TMEM266: variants seen among roughly 807,000 people sequenced by gnomAD.
The protein encoded by TMEM266 is Hv1 related protein 1.
Under a neutral mutation model 50.5 loss-of-function variants are expected in TMEM266, and 33 were observed. The ratio of observed to expected loss-of-function variants is 0.65; its 90% CI spans 0.50 to 0.87. The LOEUF is 0.87. Among genes scored for constraint, TMEM266 ranks in the 40% least tolerant of loss-of-function variants. The probability of loss-of-function intolerance (pLI) is 0.00; values close to 1 mark genes in which losing one functional copy is unlikely to be tolerated. For synonymous variants in TMEM266, 310 were observed against 292.3 expected, an observed-to-expected ratio of 1.06 and a Z score of -0.62; for missense variants, 655 against 695.1, an observed-to-expected ratio of 0.94 and a Z score of 0.65.
intron 3 of TMEM266, among the ~76,000 whole-genome samples, chr15:76,148,528 C>A (rs970976863): frequency 6.6e-6 from 1 of 152,206 alleles, no homozygotes; most frequent in African/African-American, 2.4e-5. Context: ...CTCATTCCCA[C>A]CCCTAAGTCA....
In TMEM266 at chr15:76,192,097, G is replaced by C. The variant is rs1169026227; in HGVS notation, c.898G>C (p.Gly300Arg). 1.4e-6 allele frequency: 2 copies of C among 1,441,094 alleles called. No individual in the cohort carries two copies. The highest frequency in any genetic ancestry group is 1.4e-5 in the South Asian group (1 of 69,312). 89.3% of individuals were successfully genotyped at this position (1,441,094 alleles called of 1,614,324 possible). A position where few individuals can be genotyped will look rare whatever the true frequency, so the allele number is the denominator to read the frequency against. Reference sequence around the variant, plus strand: ...CAGCCGCTTCAAAGTGTTGGAGGCCGGCACGTGGGACGAGGAGACGGCGGC... The same window carrying C: ...CAGCCGCTTCAAAGTGTTGGAGGCCCGCACGTGGGACGAGGAGACGGCGGC... Residue 300 changes from glycine (G) to arginine (R), a missense_variant, in exon 9 of 11, where the codon GGC (glycine) becomes CGC (arginine). Coordinates refer to ENST00000388942, the MANE Select transcript of TMEM266 (RefSeq NM_152335.3).
At chr15:76,202,099 T>G in intron 9 of TMEM266, 103 bp from the exon 10 acceptor site, 3 of 1,013,768 alleles carry the variant, frequency 3.0e-6, no homozygotes, top group Non-Finnish European at 4.4e-6. Context: ...AGGGCTTCTG[T>G]GAGACAGCTG....
At chr15:76,195,105 C>T (rs1034653588) in intron 9 of TMEM266, among the ~76,000 whole-genome samples, 18 of 152,160 alleles carry the variant, frequency 1.2e-4, no homozygotes, top group African/African-American at 4.3e-4. Flanking sequence ...CCCAACCTGC[C>T]TACCAGACTT....
At chr15:76,110,085 T>A (rs551176517) in intron 1 of TMEM266, among the ~76,000 whole-genome samples, 1 of 152,054 alleles carries the variant, frequency 6.6e-6, no homozygotes, top group Non-Finnish European at 1.5e-5. Context: ...CTGCAATCTC[T>A]GTCTCCTGGG....
intron 5 of TMEM266, among the ~76,000 whole-genome samples, chr15:76,165,577 C>A (rs755000132): frequency 2.6e-5 from 4 of 152,146 alleles, no homozygotes. Context: ...AAGGCCTTTG[C>A]AACTTTTAGG....
Position 76,203,778 on chromosome 15 carries a change from C to A in TMEM266, c.1059C>A (p.Thr353=), listed in dbSNP as rs1333060934. The stretch of plus-strand genomic sequence containing the variant: ...CAGAGCCAGCTGTGTGTATGGTCAC[C>A]ACGGCCGCAATAGACATTCACCAGC... Residue 353 remains threonine (T), a synonymous_variant, in exon 11 of 11, where the codon ACC becomes ACA. Transcript: ENST00000388942. 1 of 1,613,988 alleles carries A rather than the reference C, an allele frequency of 6.2e-7. No homozygotes were observed. The highest frequency in any genetic ancestry group is 1.3e-5 in the African/African-American group (1 of 74,928).
chr15:76,191,928 C>G (rs78438628), intron 8 of TMEM266, 40 bp from the exon 9 acceptor site: 4 of 1,526,340 alleles, frequency 2.6e-6, no homozygotes, highest in Non-Finnish European at 3.5e-6. Flanking sequence ...CCCCGCCGGC[C>G]CCTCGCCGCT....
chr15:76,109,980 A>G (rs2037143660), intron 1 of TMEM266, among the ~76,000 whole-genome samples: 1 of 151,172 alleles, frequency 6.6e-6, no homozygotes, highest in South Asian at 2.1e-4. Context: ...GTTTGAGTTA[A>G]AAGTCAATTT....
At chr15:76,187,016 C>T (rs546776243) in intron 8 of TMEM266, among the ~76,000 whole-genome samples, 1 of 152,344 alleles carries the variant, frequency 6.6e-6, no homozygotes, top group African/African-American at 2.4e-5. Flanking sequence ...TTGTTCCCTG[C>T]AATGCAGCTG....
Position 76,085,745 on chromosome 15 carries a change from G to T in TMEM266, c.-97+25729G>T, listed in dbSNP as rs190765920. ...AGAATTGAAAATATATGCCAAAAAA[G>T]ACATACAAAAATGTCCACAGGCTGG... On this transcript the variant is annotated intron_variant, in intron 1 of 10. Transcript: ENST00000388942. Among the ~76,000 whole-genome samples the T allele has an allele frequency of 3.1e-3, 477 of 152,114 alleles. 5 individuals are homozygous for T. The highest frequency in any genetic ancestry group is 0.011 in the African/African-American group (452 of 41,514).
In TMEM266 at chr15:76,160,193, A is replaced by C. The variant is rs1596142669; in HGVS notation, c.456+25A>C. 6.2e-7 allele frequency: 1 copy of C among 1,603,942 alleles called. No individual in the cohort carries two copies. ...GGTAGGTGGAGACTCTGGCCCTGTC[A>C]CCTCCTCTGTTGGGTGACTCCTGTC... On this transcript the variant is annotated intron_variant, in intron 5 of 10. Coordinates refer to ENST00000388942, the MANE Select transcript of TMEM266 (RefSeq NM_152335.3). This position sits in a 1 kb window ranked among gnomAD's most constrained non-coding sequence, Gnocchi z 5.7.
intron 9 of TMEM266, among the ~76,000 whole-genome samples, chr15:76,192,688 A>T (rs1224300233): frequency 1.3e-5 from 2 of 152,140 alleles, no homozygotes; most frequent in Admixed American, 6.5e-5. Flanking sequence ...GTTGGTGGAG[A>T]TGGGAACACG....
intron 1 of TMEM266, among the ~76,000 whole-genome samples, chr15:76,104,364 A>T (rs1174801114): frequency 6.6e-6 from 1 of 152,192 alleles, no homozygotes; most frequent in Non-Finnish European, 1.5e-5. Context: ...GCCACGTTTC[A>T]CATTTCAAGT....
At chr15:76,166,569 G>A (rs544183804) in intron 5 of TMEM266, among the ~76,000 whole-genome samples, 25 of 152,272 alleles carry the variant, frequency 1.6e-4, no homozygotes, top group African/African-American at 3.6e-4. Flanking sequence ...TTTCCTTCCC[G>A]GGGCACAGAG....
rs1387805134 is a variant in TMEM266, at chr15:76,161,142, G to C, written c.456+974G>C. Among the ~76,000 whole-genome samples the C allele has an allele frequency of 3.9e-5, 6 of 152,208 alleles. No homozygotes were observed. Among genetic ancestry groups the C allele is most frequent in the Non-Finnish European group, 8.8e-5 (6 of 68,028 alleles). ...CGGGCCACTGTGTCACTCTACCCTT[G>C]AGTGTCCCATCCCTGCTATGGGTAC... On this transcript the variant is annotated intron_variant, in intron 5 of 10. Transcript: ENST00000388942. The surrounding 1 kb of genome is among the most constrained non-coding windows in gnomAD (Gnocchi z 4.1).
intron 1 of TMEM266, among the ~76,000 whole-genome samples, chr15:76,119,400 AAAAAAAAAAAAAG>A (rs1472705458): frequency 9.7e-5 from 8 of 82,650 alleles, no homozygotes; most frequent in Non-Finnish European, 1.6e-4. Flanking sequence ...GCAAAAAAAA[AAAAAAAAAAAAAG>A]AAAAGAAAAG....
At chr15:76,100,976 A>C (rs917509645) in intron 1 of TMEM266, among the ~76,000 whole-genome samples, 3 of 151,608 alleles carry the variant, frequency 2.0e-5, no homozygotes, top group African/African-American at 7.3e-5. Flanking sequence ...CATCAAAGCA[A>C]TATGTGTTCA....
intron 1 of TMEM266, among the ~76,000 whole-genome samples, chr15:76,129,042 C>T (rs2037464688): frequency 6.6e-6 from 1 of 150,908 alleles, no homozygotes; most frequent in Non-Finnish European, 1.5e-5. Flanking sequence ...CTTATATAAA[C>T]CATACCTTAG....
intron 8 of TMEM266, chr15:76,181,529 A>G (rs2038404858): frequency 6.6e-6 from 1 of 152,128 alleles, no homozygotes; most frequent in African/African-American, 2.4e-5. Flanking sequence ...CAATTCCTCA[A>G]TTCCTTAGGT....
Sources: gnomAD v4.1 joint callset for allele counts (sites outside exome capture counted in the v4.1 genomes callset) on GRCh38, gnomAD v4.1.1 for gene constraint, Gnocchi (gnomAD v3.1) non-coding constraint, MANE v1.5 for transcripts, NCBI Gene and HGNC (gene_info 2026-07-23, HGNC 2026-07-21) for gene names.